The following CDH4 variants were observed in gnomAD, a reference collection of about 807,000 sequenced individuals.
The protein encoded by CDH4 is cadherin-4.
CDH4 carries 33 observed loss-of-function variants against 86.0 expected under a neutral mutation model. The ratio of observed to expected loss-of-function variants is 0.38; its 90% CI spans 0.29 to 0.51. The LOEUF is 0.51. Among genes scored for constraint, CDH4 ranks in the 20% least tolerant of loss-of-function variants. CDH4 has a pLI of 0.86. For missense variants in CDH4, 1,114 were observed against 1,307.4 expected (o/e 0.85, Z 2.28); for synonymous variants, 555 against 549.4 (o/e 1.01, Z -0.14).
intron 2 of CDH4, among the ~76,000 whole-genome samples, chr20:61,397,623 C>T (rs1011931260): frequency 6.6e-6 from 1 of 152,172 alleles, no homozygotes; most frequent in African/African-American, 2.4e-5. Flanking sequence ...GGCATAATCA[C>T]ATTGCATTGT....
intron 2 of CDH4, among the ~76,000 whole-genome samples, chr20:61,706,155 C>A (rs187568545): frequency 1.3e-5 from 2 of 152,182 alleles, no homozygotes; most frequent in South Asian, 4.1e-4. Context: ...GGCGCCTGCT[C>A]GGCAACTGTT....
chr20:61,744,036 C>A (rs374781128), intron 3 of CDH4, among the ~76,000 whole-genome samples: 1 of 152,244 alleles, frequency 6.6e-6, no homozygotes, highest in East Asian at 1.9e-4. Flanking sequence ...CACTATGCCA[C>A]GGTCTTGTCG....
intron 2 of CDH4, among the ~76,000 whole-genome samples, chr20:61,563,414 C>T (rs2086237339): frequency 1.3e-5 from 2 of 152,224 alleles, no homozygotes; most frequent in African/African-American, 4.8e-5. Context: ...ATGTCTCCCT[C>T]CTTCTCCCTC....
intron 3 of CDH4, among the ~76,000 whole-genome samples, chr20:61,756,473 A>G (rs1236320648): frequency 6.6e-6 from 1 of 151,032 alleles, no homozygotes; most frequent in South Asian, 2.1e-4. Flanking sequence ...CCTGTCCCCC[A>G]CTACTCACAT....
chr20:61,885,599 G>A (rs77398878), intron 7 of CDH4, among the ~76,000 whole-genome samples: 7,209 of 152,288 alleles, frequency 0.047, 219 homozygotes, highest in Non-Finnish European at 0.071. Context: ...GAACGAGGGC[G>A]TGTAAGTGTT....
At chr20:61,696,063 T>G (rs2087712003) in intron 2 of CDH4, among the ~76,000 whole-genome samples, 1 of 152,166 alleles carries the variant, frequency 6.6e-6, no homozygotes, top group African/African-American at 2.4e-5. Flanking sequence ...CCCACCTGCG[T>G]TTCCTGAGCC....
rs182744656 is a variant in CDH4, at chr20:61,371,868, C to T, written c.169+116931C>T. Among the ~76,000 whole-genome samples the T allele has an allele frequency of 8.5e-5, 13 of 152,322 alleles. No homozygotes were observed. The East Asian group carries it at 2.3e-3, about 27-fold the overall frequency. ...TTCCTGCGGTGATGTAAACCCCCAC[C>T]CTCACCATCCGTCCCTCGCCCCTGG... On this transcript the variant is annotated intron_variant, in intron 2 of 15. Transcript: ENST00000614565.
chr20:61,805,295 G>T (rs1980065562), intron 4 of CDH4, among the ~76,000 whole-genome samples: 1 of 152,232 alleles, frequency 6.6e-6, no homozygotes, highest in Non-Finnish European at 1.5e-5. Context: ...CCCAGAAGAG[G>T]GGAGAGTGGA....
intron 4 of CDH4, among the ~76,000 whole-genome samples, chr20:61,782,151 A>G (rs1262003646): frequency 6.6e-6 from 1 of 152,160 alleles, no homozygotes; most frequent in Non-Finnish European, 1.5e-5. Flanking sequence ...TACTAAAAAT[A>G]CAAAAAAATC....
At chr20:61,602,607 T>C (rs968718584) in intron 2 of CDH4, among the ~76,000 whole-genome samples, 2 of 149,940 alleles carry the variant, frequency 1.3e-5, no homozygotes, top group East Asian at 3.9e-4. Context: ...AGAGGGAAGC[T>C]CATTCCAGCT....
rs2427240 is a variant in CDH4 at position 61,910,571 on chromosome 20, C to T, written c.1338C>T (p.Asp446=). The change falls in exon 9 of 16, where the codon GAC becomes GAT. Residue 446 remains aspartate (D), a synonymous_variant. Coordinates refer to ENST00000614565, the MANE Select transcript of CDH4 (RefSeq NM_001794.5). ...DPSGHFSVRT[D]PVTNEGMVTV... is the part of the protein sequence containing the mutation. The stretch of plus-strand genomic sequence containing the variant: ...CCGGGCACTTCAGCGTCCGCACAGA[C>T]CCCGTAACCAACGAGGGCATGGTCA... 1,457,337 of 1,613,544 alleles carry T rather than the reference C, an allele frequency of 0.9. 667,135 individuals are homozygous for T. Among genetic ancestry groups the T allele is most frequent in the Non-Finnish European group, 0.95 (1,119,642 of 1,179,982 alleles).
chr20:61,568,640 C>T (rs2086318622), intron 2 of CDH4, among the ~76,000 whole-genome samples: 1 of 152,232 alleles, frequency 6.6e-6, no homozygotes, highest in Non-Finnish European at 1.5e-5. Context: ...CCAGTCTTGG[C>T]GCCTTGGCAC....
At chr20:61,636,821 G>C (rs2086952079) in intron 2 of CDH4, among the ~76,000 whole-genome samples, 1 of 152,212 alleles carries the variant, frequency 6.6e-6, no homozygotes, top group Non-Finnish European at 1.5e-5. Context: ...AGGGGCGGTA[G>C]AATGCCAGGC....
intron 2 of CDH4, among the ~76,000 whole-genome samples, chr20:61,595,711 G>A (rs114125086): frequency 0.036 from 5,492 of 152,254 alleles, 137 homozygotes; most frequent in Middle Eastern, 0.082. Context: ...TACTAGAGGC[G>A]GCCCGTCTGT....
chr20:61,626,722 G>A (rs1332025682), intron 2 of CDH4, among the ~76,000 whole-genome samples: 2 of 152,206 alleles, frequency 1.3e-5, no homozygotes, highest in Non-Finnish European at 2.9e-5. Flanking sequence ...CTCGTGTTGA[G>A]TGAACAGGAA....
chr20:61,285,548 A>G (rs2084288941), intron 2 of CDH4, among the ~76,000 whole-genome samples: 1 of 152,264 alleles, frequency 6.6e-6, no homozygotes. Flanking sequence ...CCTGCCACGG[A>G]GCATTTTTTG....
chr20:61,658,774 TC>T, intron 2 of CDH4, among the ~76,000 whole-genome samples: 1 of 152,158 alleles, frequency 6.6e-6, no homozygotes, highest in East Asian at 1.9e-4. Flanking sequence ...ACCCCCCCAC[TC>T]CCAGGCAGCA....
chr20:61,555,989 G>A (rs143997258), intron 2 of CDH4, among the ~76,000 whole-genome samples: 3 of 152,108 alleles, frequency 2.0e-5, no homozygotes, highest in Non-Finnish European at 2.9e-5. Context: ...TGTATGTACC[G>A]CCCTGTGGCT....
At chr20:61,560,297 G>C (rs6061281) in intron 2 of CDH4, among the ~76,000 whole-genome samples, 13,280 of 152,102 alleles carry the variant, frequency 0.087, 628 homozygotes, top group South Asian at 0.17. Flanking sequence ...TACATGTGCA[G>C]GTTTGTTTAT....
Sources: gnomAD v4.1 joint callset for allele counts (sites outside exome capture counted in the v4.1 genomes callset) on GRCh38, gnomAD v4.1.1 for gene constraint, MANE v1.5 for transcripts, NCBI Gene and HGNC (gene_info 2026-07-23, HGNC 2026-07-21) for gene names.